CLASP2: variants seen among roughly 807,000 people sequenced by gnomAD.
CLASP2 encodes CLIP-associating protein 2.
A neutral mutation model predicts 194.4 loss-of-function variants in CLASP2; 47 were observed. The observed-to-expected ratio is 0.24, with a 90% CI of 0.19 to 0.31. The LOEUF is 0.31. CLASP2 is among the 10% of genes least tolerant of loss of function. The pLI, the probability that CLASP2 is intolerant of heterozygous loss-of-function variation, is 1.00. For synonymous variants in CLASP2, 619 were observed against 633.5 expected, an observed-to-expected ratio of 0.98 and a Z score of 0.34; for missense variants, 1,445 against 1,823.6, an observed-to-expected ratio of 0.79 and a Z score of 3.78.
Position 33,717,995 on chromosome 3 carries a change from G to C in CLASP2, c.8C>G (p.Pro3Arg), listed in dbSNP as rs1442944247. 6.7e-7 allele frequency: 1 copy of C among 1,481,846 alleles called. No homozygotes were observed. Among genetic ancestry groups the C allele is most frequent in the South Asian group, 1.3e-5 (1 of 76,252 alleles). 91.8% of individuals were successfully genotyped at this position (1,481,846 alleles called of 1,614,324 possible). The change falls in exon 1 of 39, where the codon CCC (proline) becomes CGC (arginine). Residue 3 changes from proline to arginine, a missense_variant. Around this residue, in one of 4 missense-constraint regions of CLASP2, gnomAD observed 332 missense variants for 325.3 expected, o/e 1.02. Coordinates refer to ENST00000682230, the MANE Select transcript of CLASP2 (RefSeq NM_001365631.1). ...GGCGCAGAAGTACTCCATGCTGCGG[G>C]GCTCCATGGCTGCGGCCGCCCGCCC... The part of the protein sequence containing the change: ME[P>R]RSMEYFCAQV...
chr3:33,612,887 G>C (rs1299372086), intron 12 of CLASP2, among the ~76,000 whole-genome samples: 8 of 152,262 alleles, frequency 5.3e-5, no homozygotes, highest in African/African-American at 1.9e-4. Context: ...CAGAGGCTAG[G>C]AAGGATAGGG....
chr3:33,577,401 G>A (rs1259799926), intron 23 of CLASP2: 1 of 613,802 alleles, frequency 1.6e-6, no homozygotes, highest in Non-Finnish European at 2.7e-6. Context: ...TTGCCAAATA[G>A]GGCAATGGAA....
intron 27 of CLASP2, chr3:33,563,868 T>G: frequency 2.2e-6 from 1 of 455,992 alleles, no homozygotes; most frequent in South Asian, 1.6e-5. Flanking sequence ...TTGGGCTATC[T>G]GGAAACATAA....
rs543132161 is a variant in CLASP2, at chr3:33,549,756, T to C, written c.3153+1496A>G. 1.4e-3 allele frequency among the ~76,000 whole-genome samples: 217 copies of C among 151,512 alleles called. 2 individuals are homozygous for C. Among genetic ancestry groups the C allele is most frequent in the African/African-American group, 5.2e-3 (214 of 41,354 alleles). ...GTACTTTTTTTCTTTTTTTTTTTTT[T>C]AAGATAAGGTCTCACTCTGTCACCC... On this transcript the variant is annotated intron_variant, in intron 30 of 38. Transcript: ENST00000682230.
At chr3:33,557,600 T>TA (rs2061187479) in intron 29 of CLASP2, among the ~76,000 whole-genome samples, 1 of 152,182 alleles carries the variant, frequency 6.6e-6, no homozygotes, top group African/African-American at 2.4e-5. Flanking sequence ...TAACTTTTAT[T>TA]ACTGTTTAGA....
rs2046085169 is a variant in CLASP2, at chr3:33,498,546, ATG to A, written c.*83_*84del. Reference sequence around the variant, plus strand: ...GGGAAACAATAGTAAGTTCCAAAGGATGTGTTTGAGAACTTCCTTTCATTGAT... The same window carrying A: ...GGGAAACAATAGTAAGTTCCAAAGGATGTTTGAGAACTTCCTTTCATTGAT... On this transcript the variant is annotated 3_prime_UTR_variant, in exon 39 of 39. Transcript: ENST00000682230. 5 of 828,430 alleles carry A rather than the reference ATG, an allele frequency of 6.0e-6. No homozygotes were observed. The Admixed American group carries it at 6.6e-5, about 11-fold the overall frequency. The allele number at this position is 828,430 out of a possible 1,614,324, so 51.3% of individuals were successfully genotyped here.
In CLASP2 at chr3:33,627,029, A is replaced by G. The variant is rs752476152; in HGVS notation, c.994T>C (p.Leu332=). 15 of 1,597,492 alleles carry G rather than the reference A, an allele frequency of 9.4e-6. No homozygotes were observed. Among genetic ancestry groups the G allele is most frequent in the Non-Finnish European group, 1.1e-5 (13 of 1,170,648 alleles). Residue 332 remains leucine (L), a synonymous_variant, in exon 10 of 39, where the codon TTG becomes CTG. Coordinates refer to ENST00000682230, the MANE Select transcript of CLASP2 (RefSeq NM_001365631.1). Reference sequence around the variant, plus strand: ...TCCCAGTCATGTTTATCATCTGACAAAATTTCCCTGATTTTATTTAATGTT... The same window carrying G: ...TCCCAGTCATGTTTATCATCTGACAGAATTTCCCTGATTTTATTTAATGTT... ...EETLNKIREI[L]SDDKHDWDQR...
intron 38 of CLASP2, among the ~76,000 whole-genome samples, chr3:33,499,309 A>G (rs2046296659): frequency 6.7e-6 from 1 of 150,324 alleles, no homozygotes; most frequent in Non-Finnish European, 1.5e-5. Flanking sequence ...CGGAACTGTG[A>G]GTCAATTAAA....
At chr3:33,693,475 G>A (rs1419649360) in intron 2 of CLASP2, among the ~76,000 whole-genome samples, 1 of 152,092 alleles carries the variant, frequency 6.6e-6, no homozygotes, top group Non-Finnish European at 1.5e-5. Flanking sequence ...GCTAAGTTCT[G>A]TAACACAGAT....
At chr3:33,598,071 T>C (rs911946158) in intron 18 of CLASP2, among the ~76,000 whole-genome samples, 1 of 152,066 alleles carries the variant, frequency 6.6e-6, no homozygotes, top group South Asian at 2.1e-4. Context: ...TCTATTTCAT[T>C]GCTTGAGGAA....
chr3:33,589,367 CT>C (rs1331494127), intron 21 of CLASP2, among the ~76,000 whole-genome samples: 1 of 151,432 alleles, frequency 6.6e-6, no homozygotes, highest in East Asian at 1.9e-4. Context: ...ATCTGAGAGA[CT>C]TTTTTTTTCT....
chr3:33,639,569 G>A (rs1298905760), intron 8 of CLASP2, among the ~76,000 whole-genome samples: 3 of 151,904 alleles, frequency 2.0e-5, no homozygotes, highest in Non-Finnish European at 2.9e-5. Context: ...AACAAAATTG[G>A]GGTCAAATAA....
intron 36 of CLASP2, among the ~76,000 whole-genome samples, chr3:33,513,994 A>T (rs1282511854): frequency 6.6e-6 from 1 of 151,692 alleles, no homozygotes; most frequent in African/African-American, 2.4e-5. Context: ...TTTTTTATTT[A>T]TTTTTATTTT....
intron 34 of CLASP2, among the ~76,000 whole-genome samples, chr3:33,527,880 T>G (rs570790074): frequency 6.6e-6 from 1 of 152,130 alleles, no homozygotes; most frequent in Non-Finnish European, 1.5e-5. Context: ...GGAGAATTAC[T>G]TGAACCCAGA....
chr3:33,705,557 T>C (rs1018644937), intron 1 of CLASP2, among the ~76,000 whole-genome samples: 2 of 152,156 alleles, frequency 1.3e-5, no homozygotes, highest in African/African-American at 4.8e-5. Flanking sequence ...GAGATATCAA[T>C]AGAGCTGTTA....
At chr3:33,515,151 TC>T (rs2050941541) in intron 36 of CLASP2, among the ~76,000 whole-genome samples, 1 of 152,096 alleles carries the variant, frequency 6.6e-6, no homozygotes, top group South Asian at 2.1e-4. Flanking sequence ...TGCACCAAAA[TC>T]TCAGAAATCA....
intron 12 of CLASP2, among the ~76,000 whole-genome samples, chr3:33,613,067 G>C (rs1454503562): frequency 6.6e-6 from 1 of 152,088 alleles, no homozygotes; most frequent in African/African-American, 2.4e-5. Flanking sequence ...AATATTTAAG[G>C]TGATTAATTC....
chr3:33,501,589 T>C (rs181780636), intron 38 of CLASP2, 63 bp downstream of exon 38: 3 of 1,000,134 alleles, frequency 3.0e-6, no homozygotes, highest in East Asian at 4.8e-5. Context: ...GTTACAGACA[T>C]GTAACTAAGT....
At chr3:33,680,203 G>C (rs887421415) in intron 6 of CLASP2, among the ~76,000 whole-genome samples, 1 of 152,206 alleles carries the variant, frequency 6.6e-6, no homozygotes, top group African/African-American at 2.4e-5. Flanking sequence ...AGGCCAGAGG[G>C]AGGGATAAAC....
Sources: allele counts gnomAD v4.1 joint callset (sites outside exome capture counted in the v4.1 genomes callset), GRCh38; gene constraint gnomAD v4.1.1; regional missense constraint gnomAD v4.1.1; transcripts MANE v1.5; gene names NCBI Gene and HGNC (gene_info 2026-07-23, HGNC 2026-07-21).